Variants in NRXN3 observed in about 807,000 individuals in gnomAD.
The protein encoded by NRXN3 is neurexin III.
A neutral mutation model predicts 137.6 loss-of-function variants in NRXN3; 32 were observed. The ratio of observed to expected loss-of-function variants is 0.23; its 90% CI spans 0.18 to 0.31. The LOEUF (loss-of-function observed/expected upper bound fraction) is 0.31. NRXN3 is among the 10% of genes least tolerant of loss of function. The probability of loss-of-function intolerance (pLI) is 1.00; values close to 1 mark genes in which losing one functional copy is unlikely to be tolerated. For missense variants in NRXN3, 1,574 were observed against 2,062.5 expected (o/e 0.76, Z 4.59); for synonymous variants, 798 against 784.5 (o/e 1.02, Z -0.29).
At chr14:79,793,150 G>A (rs191113840) in intron 19 of NRXN3, among the ~76,000 whole-genome samples, 1 of 152,060 alleles carries the variant, frequency 6.6e-6, no homozygotes, top group Admixed American at 6.5e-5. Context: ...ACCCACAGTC[G>A]GCCGGGCGCG....
rs182076149 is a variant in NRXN3, at chr14:79,568,112, G to A, written c.3445-95666G>A. 3.3e-5 allele frequency among the ~76,000 whole-genome samples: 5 copies of A among 152,216 alleles called. No homozygotes were observed. In the East Asian group the frequency reaches 5.8e-4, roughly 18 times the overall value. The stretch of plus-strand genomic sequence containing the variant: ...GATGAGTCAAAAATTCTTATTCACC[G>A]CAAATACAGGGCTAGATAAACTCCA... On this transcript the variant is annotated intron_variant, in intron 16 of 20. Coordinates refer to ENST00000335750, the MANE Select transcript of NRXN3 (RefSeq NM_001330195.2).
chr14:78,478,697 C>T (rs748555467), intron 4 of NRXN3, among the ~76,000 whole-genome samples: 109 of 152,214 alleles, frequency 7.2e-4, no homozygotes, highest in Middle Eastern at 6.8e-3. Flanking sequence ...TGACTCCCAG[C>T]CCACTCACCA....
chr14:78,316,751 C>A (rs557827410), intron 4 of NRXN3, among the ~76,000 whole-genome samples: 1 of 152,292 alleles, frequency 6.6e-6, no homozygotes, highest in South Asian at 2.1e-4. Context: ...TCTAAAAAGT[C>A]CAGTAACTCA....
At chr14:78,665,673 A>G (rs1217648710) in intron 6 of NRXN3, among the ~76,000 whole-genome samples, 2 of 152,180 alleles carry the variant, frequency 1.3e-5, no homozygotes. Flanking sequence ...TCAGTTACAC[A>G]CACAAAACCT....
chr14:79,481,503 G>A (rs780451856), intron 16 of NRXN3, among the ~76,000 whole-genome samples: 6 of 152,170 alleles, frequency 3.9e-5, no homozygotes, highest in South Asian at 2.1e-4. Context: ...CCTGCACAGC[G>A]TGTTCCTGTG....
At chr14:79,290,155 G>T (rs1371881448) in intron 15 of NRXN3, among the ~76,000 whole-genome samples, 1 of 152,120 alleles carries the variant, frequency 6.6e-6, no homozygotes, top group East Asian at 1.9e-4. Flanking sequence ...GAAAATTGTG[G>T]TTTTTGCTAC....
At chr14:79,045,109 G>C (rs1157254107) in intron 15 of NRXN3, among the ~76,000 whole-genome samples, 1 of 152,070 alleles carries the variant, frequency 6.6e-6, no homozygotes, top group African/African-American at 2.4e-5. Flanking sequence ...AGAAATATAG[G>C]AAATGAGACA....
At chr14:78,183,272 C>T (rs889616734) in intron 1 of NRXN3, among the ~76,000 whole-genome samples, 1 of 152,120 alleles carries the variant, frequency 6.6e-6, no homozygotes, top group African/African-American at 2.4e-5. Context: ...CCTTTTTTCT[C>T]TCCTCTTCCC....
chr14:78,353,173 T>A (rs575679968), intron 4 of NRXN3, among the ~76,000 whole-genome samples: 1 of 152,282 alleles, frequency 6.6e-6, no homozygotes, highest in East Asian at 1.9e-4. Context: ...CAAGTTATAA[T>A]GCTAAGGAAA....
chr14:78,833,038 A>C (rs1412510085), intron 10 of NRXN3, among the ~76,000 whole-genome samples: 1 of 152,290 alleles, frequency 6.6e-6, no homozygotes, highest in East Asian at 1.9e-4. Context: ...TAGGGGTTGG[A>C]GATAGACTCC....
At chr14:79,074,151 A>C (rs886877800) in intron 15 of NRXN3, among the ~76,000 whole-genome samples, 5 of 152,216 alleles carry the variant, frequency 3.3e-5, no homozygotes, top group African/African-American at 1.2e-4. Context: ...GGAGTGGTAC[A>C]AAAAACATAT....
intron 4 of NRXN3, among the ~76,000 whole-genome samples, chr14:78,448,285 G>T (rs117307663): frequency 6.6e-6 from 1 of 152,154 alleles, no homozygotes; most frequent in Non-Finnish European, 1.5e-5. Flanking sequence ...CAGAGCAATT[G>T]CCCAATACCT....
intron 15 of NRXN3, among the ~76,000 whole-genome samples, chr14:79,316,989 G>T (rs957261474): frequency 6.6e-6 from 1 of 152,022 alleles, no homozygotes; most frequent in Admixed American, 6.6e-5. Context: ...CCAGCACTTT[G>T]GGAGGCTGAG....
intron 3 of NRXN3, among the ~76,000 whole-genome samples, chr14:78,297,079 T>A (rs890872206): frequency 1.3e-5 from 2 of 152,238 alleles, no homozygotes; most frequent in South Asian, 4.1e-4. Flanking sequence ...TATCTATTTA[T>A]TGGGACTTTA....
intron 15 of NRXN3, among the ~76,000 whole-genome samples, chr14:79,213,656 C>T (rs1025014551): frequency 2.6e-5 from 4 of 151,420 alleles, no homozygotes; most frequent in African/African-American, 9.7e-5. Context: ...AAACAATAAA[C>T]ACCTTTATTA....
intron 15 of NRXN3, among the ~76,000 whole-genome samples, chr14:79,150,811 A>G (rs1377718951): frequency 6.6e-6 from 1 of 152,122 alleles, no homozygotes; most frequent in Non-Finnish European, 1.5e-5. Flanking sequence ...ACTTTACTCA[A>G]AAATCAAAAT....
chr14:79,667,398 C>G (rs1056697459), intron 17 of NRXN3, among the ~76,000 whole-genome samples: 2 of 151,826 alleles, frequency 1.3e-5, no homozygotes, highest in Non-Finnish European at 2.9e-5. Context: ...GGGAATTGTT[C>G]CTGCCTACAA....
At chr14:78,858,457 C>G (rs192727932) in intron 10 of NRXN3, among the ~76,000 whole-genome samples, 14 of 152,210 alleles carry the variant, frequency 9.2e-5, no homozygotes, top group Non-Finnish European at 1.8e-4. Context: ...TTAATTCATT[C>G]TCTTCTGAAG....
intron 16 of NRXN3, among the ~76,000 whole-genome samples, chr14:79,629,990 A>G (rs1832796200): frequency 6.6e-6 from 1 of 152,168 alleles, no homozygotes; most frequent in South Asian, 2.1e-4. Context: ...TAAAAGGATG[A>G]AAAGAAATTG....
Sources: gnomAD v4.1 joint callset for allele counts (sites outside exome capture counted in the v4.1 genomes callset) on GRCh38, gnomAD v4.1.1 for gene constraint, MANE v1.5 for transcripts, NCBI Gene and HGNC (gene_info 2026-07-23, HGNC 2026-07-21) for gene names.